NCAPD3: variants seen among roughly 807,000 people sequenced by gnomAD.
The protein encoded by NCAPD3 is condensin-2 complex subunit D3.
In NCAPD3, 105 loss-of-function variants were observed where a neutral mutation model predicts 182.9. The ratio of observed to expected loss-of-function variants is 0.57; its 90% CI spans 0.49 to 0.68. NCAPD3 has a LOEUF of 0.68. NCAPD3 is among the 30% of genes least tolerant of loss of function. The pLI is 0.00. For missense variants in NCAPD3, 1,944 were observed against 1,837.0 expected (o/e 1.06, Z -1.07); for synonymous variants, 815 against 679.9 (o/e 1.20, Z -3.09).
At chr11:134,183,164 G>C (rs1944332182) in intron 19 of NCAPD3, 2 of 456,138 alleles carry the variant, frequency 4.4e-6, no homozygotes, top group Admixed American at 2.3e-5. Context: ...CTGGTGAAAA[G>C]AAAATTAGGA....
At chr11:134,160,605 G>A (rs191936073) in intron 28 of NCAPD3, among the ~76,000 whole-genome samples, 104 of 152,296 alleles carry the variant, frequency 6.8e-4, no homozygotes, top group Admixed American at 5.1e-3. Flanking sequence ...AGATTTTACA[G>A]AAAACCTTTT....
At chr11:134,217,160 T>C in intron 2 of NCAPD3, 62 bp from the exon 3 acceptor site, 1 of 1,428,214 alleles carries the variant, frequency 7.0e-7, no homozygotes, top group Non-Finnish European at 9.3e-7. Context: ...TTTCCTATTA[T>C]TTGATTTTTG....
At chr11:134,165,429 ACT>A (rs774905705) in intron 27 of NCAPD3, among the ~76,000 whole-genome samples, 7 of 145,776 alleles carry the variant, frequency 4.8e-5, no homozygotes, top group South Asian at 2.2e-4. Context: ...GAAGAAGCAC[ACT>A]CGTGAGATGA....
chr11:134,177,768 C>G (rs1369032734), intron 22 of NCAPD3: 1 of 355,344 alleles, frequency 2.8e-6, no homozygotes, highest in African/African-American at 2.1e-5. Context: ...AAATGATCAG[C>G]AAAGCCTGAG....
chr11:134,176,747 T>G (rs554753190), intron 23 of NCAPD3, among the ~76,000 whole-genome samples: 4 of 152,310 alleles, frequency 2.6e-5, no homozygotes, highest in Admixed American at 2.6e-4. Context: ...TCTCAGTGTG[T>G]ATAAAAATAT....
chr11:134,202,782 A>C, intron 13 of NCAPD3, 34 bp downstream of exon 13: 1 of 1,475,072 alleles, frequency 6.8e-7, no homozygotes, highest in Non-Finnish European at 9.3e-7. Context: ...ATCCAGCAGT[A>C]TTACCTATCT....
chr11:134,192,677 C>A lies in NCAPD3; in HGVS notation c.2045+12G>T, dbSNP rs376855746. On this transcript the variant is annotated intron_variant, in intron 16 of 34. Coordinates refer to ENST00000534548, the MANE Select transcript of NCAPD3 (RefSeq NM_015261.3). Reference sequence around the variant, plus strand: ...TCTTCTATAGGGAACACAGGTCATACAGTTAACCTACCTCAGTTCCTGGCT... The same window carrying A: ...TCTTCTATAGGGAACACAGGTCATAAAGTTAACCTACCTCAGTTCCTGGCT... The A allele has an allele frequency of 1.9e-6, 3 of 1,607,122 alleles. No homozygotes were observed. The highest frequency in any genetic ancestry group is 2.6e-6 in the Non-Finnish European group (3 of 1,173,844).
At position 134,157,934 on chromosome 11, in the gene NCAPD3, T is replaced by C. The variant is rs780481345; in HGVS notation, c.4168A>G (p.Ser1390Gly). ...CACCAAACATAAGGCTTACCCTGACTGCACGTTTTTTCTGGGCTTCCAGAA... is the reference window on the plus strand; with the variant it reads ...CACCAAACATAAGGCTTACCCTGACCGCACGTTTTTTCTGGGCTTCCAGAA... ...LNSGSPEKTCSQVSSYSLEQE... is the reference protein window; with the variant it reads ...LNSGSPEKTCGQVSSYSLEQE... The change falls in exon 31 of 35, where the codon AGT (serine) becomes GGT (glycine). Residue 1390 changes from serine (S) to glycine (G), a missense_variant. Coordinates refer to ENST00000534548, the MANE Select transcript of NCAPD3 (RefSeq NM_015261.3). 1.9e-6 allele frequency: 3 copies of C among 1,613,794 alleles called. No individual in the cohort carries two copies. Among genetic ancestry groups the C allele is most frequent in the Admixed American group, 3.3e-5 (2 of 59,994 alleles).
At chr11:134,201,880 T>C (rs1475426239) in intron 13 of NCAPD3, among the ~76,000 whole-genome samples, 7 of 152,246 alleles carry the variant, frequency 4.6e-5, no homozygotes, top group Admixed American at 1.3e-4. Context: ...CATGCTAATA[T>C]CTAGCCTCCT....
rs140353597 is a variant in NCAPD3 at position 134,196,664 on chromosome 11, A to G, written c.1616-1926T>C. 7.8e-3 allele frequency among the ~76,000 whole-genome samples: 1,167 copies of G among 149,802 alleles called. 13 individuals carry two copies. Among genetic ancestry groups the G allele is most frequent in the African/African-American group, 0.028 (1,131 of 40,942 alleles). ...CCATCTCAAAAAAAAAAAAAAAAAG[A>G]AAAGAAAAGAAAGAAAAAGAAACTA... is the stretch of plus-strand genomic sequence containing the variant. On this transcript the variant is annotated intron_variant, in intron 13 of 34. Coordinates refer to ENST00000534548, the MANE Select transcript of NCAPD3 (RefSeq NM_015261.3).
rs1943485709 is a variant in NCAPD3 at position 134,158,346 on chromosome 11, C to A, written c.4017G>T (p.Arg1339Ser). 1.1e-5 allele frequency: 18 copies of A among 1,614,148 alleles called. No homozygotes were observed. Among genetic ancestry groups the A allele is most frequent in the African/African-American group, 1.3e-5 (1 of 75,036 alleles). The change falls in exon 30 of 35, where the codon AGG becomes AGT. Residue 1339 changes from arginine (R) to serine (S), a missense_variant. Around this residue, in one of 3 missense-constraint regions of NCAPD3, gnomAD observed 1,803 missense variants for 1,674.6 expected, o/e 1.08. Transcript: ENST00000534548. ...SPTPETGPLQ[R>S]LLPKARPMSL... Reference sequence around the variant, plus strand: ...CTCTTTACCTGGCTTTGGGCAGCAACCTCTGCAATGGCCCTGTTTCAGGTG... The same window carrying A: ...CTCTTTACCTGGCTTTGGGCAGCAAACTCTGCAATGGCCCTGTTTCAGGTG...
chr11:134,160,260 C>T (rs1463650562), intron 28 of NCAPD3, among the ~76,000 whole-genome samples, 186 bp from the exon 29 acceptor site: 1 of 152,230 alleles, frequency 6.6e-6, no homozygotes, highest in African/African-American at 2.4e-5. Context: ...ATCATAGGAA[C>T]AATAGGACTG....
intron 33 of NCAPD3, 30 bp downstream of exon 33, chr11:134,153,259 T>C: frequency 6.2e-7 from 1 of 1,613,844 alleles, no homozygotes; most frequent in Non-Finnish European, 8.5e-7. Flanking sequence ...GCAGTGCATC[T>C]ATCAGCCCAG....
intron 28 of NCAPD3, among the ~76,000 whole-genome samples, chr11:134,161,115 G>A (rs1334769413): frequency 6.6e-6 from 1 of 151,464 alleles, no homozygotes; most frequent in Non-Finnish European, 1.5e-5. Flanking sequence ...GCCTTTATTG[G>A]AAAAAAAATT....
chr11:134,220,786 C>T, intron 1 of NCAPD3, 60 bp from the exon 2 acceptor site: 1 of 1,520,012 alleles, frequency 6.6e-7, no homozygotes, highest in East Asian at 2.3e-5. Flanking sequence ...AACTAGTCAC[C>T]TTTAGATTCC....
chr11:134,155,986 A>C (rs981538781), intron 32 of NCAPD3, among the ~76,000 whole-genome samples: 7 of 152,260 alleles, frequency 4.6e-5, no homozygotes, highest in African/African-American at 1.7e-4. Context: ...GCTAGAATAC[A>C]GCAGGTGCTC....
rs1348052875 is a variant in NCAPD3 at position 134,153,492 on chromosome 11, G to C, written c.4253-129C>G. On this transcript the variant is annotated intron_variant, in intron 32 of 34. Coordinates refer to ENST00000534548, the MANE Select transcript of NCAPD3 (RefSeq NM_015261.3). ...CAGCGGCGGCCCTCAGACCTCCACTGGACCCTGTCCCAGGGCCTGGCAGTG... is the reference window on the plus strand; with the variant it reads ...CAGCGGCGGCCCTCAGACCTCCACTCGACCCTGTCCCAGGGCCTGGCAGTG... 5 of 900,168 alleles carry C rather than the reference G, an allele frequency of 5.6e-6. No homozygotes were observed. In the African/African-American group the frequency reaches 8.2e-5, roughly 15 times the overall value. The allele number at this position is 900,168 out of a possible 1,614,324, so 55.8% of individuals were successfully genotyped here.
chr11:134,155,581 G>A (rs896552606), intron 32 of NCAPD3, among the ~76,000 whole-genome samples: 2 of 152,138 alleles, frequency 1.3e-5, no homozygotes, highest in Non-Finnish European at 1.5e-5. Context: ...AACCCTCCAC[G>A]CCAGGCTGCC....
intron 17 of NCAPD3, 127 bp from the exon 18 acceptor site, chr11:134,185,127 G>A: frequency 3.3e-6 from 3 of 901,506 alleles, no homozygotes; most frequent in Admixed American, 4.2e-5. Context: ...GAGTCAAGCT[G>A]TGGGAACATC....
Sources: allele counts gnomAD v4.1 joint callset (sites outside exome capture counted in the v4.1 genomes callset), GRCh38; gene constraint gnomAD v4.1.1; regional missense constraint gnomAD v4.1.1; transcripts MANE v1.5; gene names NCBI Gene and HGNC (gene_info 2026-07-23, HGNC 2026-07-21).